Variants in KATNIP observed in about 807,000 individuals in gnomAD.
KATNIP encodes katanin-interacting protein.
KATNIP carries 126 observed loss-of-function variants against 174.0 expected under a neutral mutation model. The observed-to-expected ratio is 0.72, with a 90% CI of 0.63 to 0.84. The LOEUF (loss-of-function observed/expected upper bound fraction) is 0.84, where lower values mean the gene tolerates loss of function less well. Ranked by LOEUF, KATNIP falls within the 40% of genes least tolerant of loss-of-function variation. The pLI, the probability that KATNIP is intolerant of heterozygous loss-of-function variation, is 0.00. For synonymous variants in KATNIP, 810 were observed against 835.7 expected (o/e 0.97, Z 0.53); for missense variants, 1,958 against 2,109.7 (o/e 0.93, Z 1.41).
At chr16:27,621,398 C>T (rs1438654362) in intron 3 of KATNIP, among the ~76,000 whole-genome samples, 1 of 152,098 alleles carries the variant, frequency 6.6e-6, no homozygotes, top group Non-Finnish European at 1.5e-5. Context: ...CTCGTTTTCC[C>T]ATATTAGAGC....
chr16:27,674,589 C>G (rs1183710125), intron 6 of KATNIP, among the ~76,000 whole-genome samples: 2 of 152,236 alleles, frequency 1.3e-5, no homozygotes, highest in African/African-American at 2.4e-5. Context: ...TCCTGCTTCT[C>G]TCTCATAAGG....
chr16:27,550,288 C>A, intron 1 of KATNIP, 111 bp downstream of exon 1: 1 of 1,239,550 alleles, frequency 8.1e-7, no homozygotes, highest in Non-Finnish European at 1.1e-6. Context: ...CACTTCCTGA[C>A]CCAAGGGGGT....
At chr16:27,553,199 C>T (rs900988524) in intron 1 of KATNIP, among the ~76,000 whole-genome samples, 69 of 152,184 alleles carry the variant, frequency 4.5e-4, no homozygotes, top group African/African-American at 1.6e-3. Flanking sequence ...GTTGACCTTT[C>T]AGATGCCATT....
chr16:27,760,273 G>A (rs1014389373), intron 18 of KATNIP, among the ~76,000 whole-genome samples: 10 of 152,104 alleles, frequency 6.6e-5, no homozygotes, highest in African/African-American at 2.4e-4. Context: ...TAAAATATGC[G>A]GCAAATTCTC....
chr16:27,669,717 A>G (rs1422451548), intron 6 of KATNIP, among the ~76,000 whole-genome samples: 1 of 152,190 alleles, frequency 6.6e-6, no homozygotes, highest in Non-Finnish European at 1.5e-5. Context: ...CGTGAGCATT[A>G]TAAGGGTCTA....
At position 27,701,603 on chromosome 16, in the gene KATNIP, C is replaced by A; in HGVS notation, c.1194C>A (p.Thr398=). ...TCCATCCTCAGCTGCTTCCCATCAC[C>A]ACGGCGACTACTACTCAGGAGCCGG... ...KEETLELLPI[T]TATTTQEPAG... is the part of the protein sequence containing the mutation. The change falls in exon 11 of 28, where the codon ACC becomes ACA. Residue 398 remains threonine, a synonymous_variant. Transcript: ENST00000261588. The A allele has an allele frequency of 6.3e-7, 1 of 1,595,732 alleles. No individual in the cohort carries two copies.
chr16:27,601,484 G>A (rs58234687), intron 2 of KATNIP, among the ~76,000 whole-genome samples: 2,553 of 152,196 alleles, frequency 0.017, 66 homozygotes, highest in African/African-American at 0.057. Context: ...TTATAGAGAC[G>A]GGGCAGGGGG....
intron 5 of KATNIP, among the ~76,000 whole-genome samples, chr16:27,641,137 CAA>C (rs1255873987): frequency 2.2e-4 from 27 of 124,640 alleles, no homozygotes; most frequent in Middle Eastern, 3.9e-3. Flanking sequence ...GGCTCTGTCT[CAA>C]AAAAAAAAAA....
At chr16:27,564,447 C>G (rs916042802) in intron 1 of KATNIP, among the ~76,000 whole-genome samples, 2 of 152,046 alleles carry the variant, frequency 1.3e-5, no homozygotes, top group African/African-American at 4.8e-5. Context: ...CATGGCTAAG[C>G]ATTTCTAAAC....
chr16:27,633,365 A>G (rs2076546558), intron 5 of KATNIP, among the ~76,000 whole-genome samples: 1 of 150,884 alleles, frequency 6.6e-6, no homozygotes, highest in South Asian at 2.1e-4. Flanking sequence ...AAATTACTGT[A>G]ATTTTTTCTC....
Position 27,740,761 on chromosome 16 carries a change from A to C in KATNIP, c.2464A>C (p.Thr822Pro), listed in dbSNP as rs1301726036. 1.2e-6 allele frequency: 2 copies of C among 1,614,128 alleles called. No individual in the cohort carries two copies. The highest frequency in any genetic ancestry group is 4.5e-5 in the East Asian group (2 of 44,816). Reference protein sequence around the residue: ...PGWGTSRSVNTKERPQRATTK... With the variant: ...PGWGTSRSVNPKERPQRATTK... ...GTGGGGGACCAGCCGGAGTGTCAAC[A>C]CCAAGGAGAGACCCCAGAGGGCAAC... The change falls in exon 15 of 28, where the codon ACC becomes CCC. Residue 822 changes from threonine (T) to proline (P), a missense_variant. This residue lies in a region of KATNIP where 1,557 missense variants were observed against 1,617.8 expected (regional missense o/e 0.96). Coordinates refer to ENST00000261588, the MANE Select transcript of KATNIP (RefSeq NM_015202.5).
At chr16:27,578,623 G>T (rs2090585382) in intron 2 of KATNIP, among the ~76,000 whole-genome samples, 1 of 152,086 alleles carries the variant, frequency 6.6e-6, no homozygotes, top group African/African-American at 2.4e-5. Flanking sequence ...TGTCACCCAG[G>T]TTGGAGTGCA....
At chr16:27,728,160 CG>C (rs2080524509) in intron 14 of KATNIP, among the ~76,000 whole-genome samples, 1 of 152,260 alleles carries the variant, frequency 6.6e-6, no homozygotes, top group Non-Finnish European at 1.5e-5. Context: ...GGAAGTATGA[CG>C]GGCATCTTAG....
chr16:27,704,126 C>G (rs543530249), intron 12 of KATNIP, 128 bp downstream of exon 12: 8 of 698,140 alleles, frequency 1.1e-5, no homozygotes, highest in African/African-American at 3.6e-5. Flanking sequence ...TCCACCGCCC[C>G]CCCCCTCCCT....
chr16:27,638,136 G>GGCT (rs1272262389), intron 5 of KATNIP, among the ~76,000 whole-genome samples: 2 of 152,140 alleles, frequency 1.3e-5, no homozygotes, highest in African/African-American at 4.8e-5. Flanking sequence ...GCATGGCCTG[G>GGCT]GCTGCTGCTG....
rs369764074 is a variant in KATNIP, at chr16:27,628,823, G to T, written c.303G>T (p.Gly101=). The change falls in exon 4 of 28, where the codon GGG becomes GGT. Residue 101 remains glycine (G), a synonymous_variant. Transcript: ENST00000261588. ...DFSRSASHTE[G]THDYGRRTLF... ...CCAGAAGTGCCTCCCACACGGAGGG[G>T]ACACACGGTGAGCACAGGCCCTCCA... is the stretch of plus-strand genomic sequence containing the variant. 49 of 1,613,924 alleles carry T rather than the reference G, an allele frequency of 3.0e-5. No homozygotes were observed. The highest frequency in any genetic ancestry group is 9.3e-5 in the African/African-American group (7 of 74,914).
At chr16:27,596,749 A>T (rs2075348475) in intron 2 of KATNIP, among the ~76,000 whole-genome samples, 1 of 152,318 alleles carries the variant, frequency 6.6e-6, no homozygotes, top group Non-Finnish European at 1.5e-5. Flanking sequence ...TAGGCCAGGC[A>T]TGGTGGCTCA....
At chr16:27,617,412 G>A (rs2142055924) in intron 2 of KATNIP, among the ~76,000 whole-genome samples, 1 of 152,346 alleles carries the variant, frequency 6.6e-6, no homozygotes, top group South Asian at 2.1e-4. Flanking sequence ...GCAAAGTCCC[G>A]GGGCTGACTC....
At chr16:27,593,890 T>C (rs1422860724) in intron 2 of KATNIP, among the ~76,000 whole-genome samples, 2 of 152,138 alleles carry the variant, frequency 1.3e-5, no homozygotes, top group Admixed American at 6.6e-5. Context: ...TCCAGGTGCC[T>C]ATGGTTAGTG....
Sources: gnomAD v4.1 joint callset for allele counts (sites outside exome capture counted in the v4.1 genomes callset) on GRCh38, gnomAD v4.1.1 for gene constraint, gnomAD v4.1.1 regional missense constraint, MANE v1.5 for transcripts, NCBI Gene and HGNC (gene_info 2026-07-23, HGNC 2026-07-21) for gene names.